The following VPS51 variants were observed in gnomAD, a reference collection of about 807,000 sequenced individuals.
The protein encoded by VPS51 is VPS51 subunit of GARP complex.
VPS51 carries 55 observed loss-of-function variants against 65.1 expected under a neutral mutation model. The observed-to-expected ratio is 0.84, with a 90% CI of 0.68 to 1.06. VPS51 has a LOEUF of 1.06. Ranked by LOEUF, VPS51 falls within the 50% of genes least tolerant of loss-of-function variation. VPS51 has a pLI of 0.00. For missense variants in VPS51, 943 were observed against 1,101.6 expected (o/e 0.86, Z 2.04); for synonymous variants, 473 against 489.5 (o/e 0.97, Z 0.44).
In VPS51 at chr11:65,107,183, C is replaced by G; in HGVS notation, c.359-398C>G. 2.1e-6 allele frequency: 1 copy of G among 472,978 alleles called. No homozygotes were observed. The highest frequency in any genetic ancestry group is 3.2e-4 in the Middle Eastern group (1 of 3,164). The allele number at this position is 472,978 out of a possible 1,614,324, so 29.3% of individuals were successfully genotyped here. A position where few individuals can be genotyped will look rare whatever the true frequency, so the allele number is the denominator to read the frequency against. On this transcript the variant is annotated intron_variant, in intron 2 of 9. Coordinates refer to ENST00000279281, the MANE Select transcript of VPS51 (RefSeq NM_013265.4). This position sits in a 1 kb window ranked among gnomAD's most constrained non-coding sequence, Gnocchi z 4.0. ...GGTCAACAAGAATGTATTGCCTCAT[C>G]CAGGCAGTGCGCTGGACACGCAGAT... is the stretch of plus-strand genomic sequence containing the variant.
chr11:65,100,203 A>G (rs1445054134), intron 2 of VPS51, among the ~76,000 whole-genome samples: 5 of 152,234 alleles, frequency 3.3e-5, no homozygotes, highest in Non-Finnish European at 5.9e-5. Context: ...TGTTCAGAAC[A>G]TAAAAAGAAC....
chr11:65,106,223 GTA>G, intron 2 of VPS51, among the ~76,000 whole-genome samples: 1 of 152,334 alleles, frequency 6.6e-6, no homozygotes, highest in East Asian at 1.9e-4. Flanking sequence ...CCATGACTTG[GTA>G]ATGGATTGAT....
At chr11:65,103,146 G>A (rs1303430435) in intron 2 of VPS51, among the ~76,000 whole-genome samples, 1 of 152,104 alleles carries the variant, frequency 6.6e-6, no homozygotes, top group Non-Finnish European at 1.5e-5. Flanking sequence ...TGTAACCTCC[G>A]CCTCCCCAGT....
Position 65,108,713 on chromosome 11 carries a change from C to T in VPS51, c.1242C>T (p.Leu414=). Residue 414 remains leucine, a synonymous_variant, in exon 5 of 10, where the codon CTC becomes CTT. Transcript: ENST00000279281. ...GCCTGGGCCACCACCTGCAGGGTCT[C>T]CGGGCGGCCTTCCTGGGCTGCCTGA... is the stretch of plus-strand genomic sequence containing the variant. ...RERLGHHLQG[L]RAAFLGCLTD... is the part of the protein sequence containing the mutation. 1 of 1,606,932 alleles carries T rather than the reference C, an allele frequency of 6.2e-7. No individual in the cohort carries two copies. Among genetic ancestry groups the T allele is most frequent in the African/African-American group, 1.3e-5 (1 of 74,938 alleles).
Position 65,109,273 on chromosome 11 carries a change from C to G in VPS51, c.1444-7C>G, listed in dbSNP as rs780416305. The G allele has an allele frequency of 3.1e-6, 5 of 1,607,080 alleles. No individual in the cohort carries two copies. In the African/African-American group the frequency reaches 5.3e-5, roughly 17 times the overall value. On this transcript the variant is annotated splice_polypyrimidine_tract_variant and splice_region_variant and intron_variant, in intron 5 of 9. Coordinates refer to ENST00000279281, the MANE Select transcript of VPS51 (RefSeq NM_013265.4). ...CCTGCTGTGGACCTGGGCACCTTCT[C>G]TTGCAGGGTGAGTTCTGCAGTCAGG...
At chr11:65,108,045 C>T in intron 4 of VPS51, 23 bp downstream of exon 4, 2 of 1,490,678 alleles carry the variant, frequency 1.3e-6, no homozygotes, top group Non-Finnish European at 1.8e-6. Flanking sequence ...TGCCCTGACC[C>T]CAGCGCTCCC....
Position 65,107,861 on chromosome 11 carries a change from C to A in VPS51, c.564C>A (p.Thr188=). ...QFLFELPSRL[T]KCVELGAYGQ... Reference sequence around the variant, plus strand: ...TCTTTGAGCTGCCCTCGCGCCTCACCAAGTGCGTGGAACTGGGCGCCTATG... The same window carrying A: ...TCTTTGAGCTGCCCTCGCGCCTCACAAAGTGCGTGGAACTGGGCGCCTATG... The change falls in exon 4 of 10, where the codon ACC becomes ACA. Residue 188 remains threonine (T), a synonymous_variant. Coordinates refer to ENST00000279281, the MANE Select transcript of VPS51 (RefSeq NM_013265.4). The surrounding 1 kb of genome is among the most constrained non-coding windows in gnomAD (Gnocchi z 4.0). 1 of 1,551,990 alleles carries A rather than the reference C, an allele frequency of 6.4e-7. No individual in the cohort carries two copies. The highest frequency in any genetic ancestry group is 2.4e-5 in the East Asian group (1 of 41,064).
intron 2 of VPS51, among the ~76,000 whole-genome samples, chr11:65,105,602 T>C (rs1947836714): frequency 6.6e-6 from 1 of 152,146 alleles, no homozygotes; most frequent in South Asian, 2.1e-4. Context: ...TGTCCTCTGA[T>C]TTAATTCCAA....
chr11:65,100,025 C>A (rs922333311), intron 2 of VPS51, among the ~76,000 whole-genome samples: 2 of 152,126 alleles, frequency 1.3e-5, no homozygotes, highest in Non-Finnish European at 2.9e-5. Flanking sequence ...ATCGCTTGAA[C>A]CCAGGAGGCG....
chr11:65,109,843 T>C lies in VPS51; in HGVS notation c.1798T>C (p.Trp600Arg). ...GCGCAAGAGCGTGGAGACTCGCGAC[T>C]GGCTCAGCACTCTGGAGCCCCGGAA... is the stretch of plus-strand genomic sequence containing the variant. ...MLRKSVETRD[W>R]LSTLEPRNVR... Residue 600 changes from tryptophan (W) to arginine (R), a missense_variant, in exon 7 of 10, where the codon TGG becomes CGG. Transcript: ENST00000279281. The C allele has an allele frequency of 6.2e-7, 1 of 1,612,152 alleles. No homozygotes were observed. Among genetic ancestry groups the C allele is most frequent in the African/African-American group, 1.3e-5 (1 of 75,056 alleles).
At chr11:65,100,557 G>A (rs1472494218) in intron 2 of VPS51, among the ~76,000 whole-genome samples, 2 of 119,680 alleles carry the variant, frequency 1.7e-5, no homozygotes, top group African/African-American at 6.4e-5. Context: ...TTGAGATGGA[G>A]TCTAGCTCTG....
intron 2 of VPS51, among the ~76,000 whole-genome samples, chr11:65,097,777 A>G (rs1358461273): frequency 6.6e-6 from 1 of 152,094 alleles, no homozygotes; most frequent in Non-Finnish European, 1.5e-5. Flanking sequence ...GGATCACATG[A>G]GCCTGGGAGG....
Position 65,108,879 on chromosome 11 carries a change from A to C in VPS51, c.1408A>C (p.Lys470Gln), listed in dbSNP as rs1405788525. 1 of 1,612,858 alleles carries C rather than the reference A, an allele frequency of 6.2e-7. No homozygotes were observed. The highest frequency in any genetic ancestry group is 8.5e-7 in the Non-Finnish European group (1 of 1,180,008). ...GGCAGCAGTGCACCTTTTCACCGCC[A>C]AAGAGGTGTCCTTCTCCAACAAGCC... is the stretch of plus-strand genomic sequence containing the variant. ...SLAAVHLFTA[K>Q]EVSFSNKPYF... The change falls in exon 5 of 10, where the codon AAA becomes CAA. Residue 470 changes from lysine to glutamine, a missense_variant. Lys to Gln is a moderately conservative substitution (Grantham distance 53). Around this residue, in one of 2 missense-constraint regions of VPS51, gnomAD observed 855 missense variants for 953.7 expected, o/e 0.90. Transcript: ENST00000279281.
chr11:65,101,185 C>G (rs529705799), intron 2 of VPS51, among the ~76,000 whole-genome samples: 1 of 152,116 alleles, frequency 6.6e-6, no homozygotes. Flanking sequence ...TCTGGAATTA[C>G]GTAGTGAGGT....
At position 65,096,420 on chromosome 11, in the gene VPS51, C is replaced by G; in HGVS notation, c.170C>G (p.Pro57Arg). The G allele has an allele frequency of 6.4e-7, 1 of 1,553,894 alleles. No individual in the cohort carries two copies. Among genetic ancestry groups the G allele is most frequent in the Non-Finnish European group, 8.6e-7 (1 of 1,157,912 alleles). Reference protein sequence around the residue: ...EAAGRPAGPDPLDPTDLNGAH... With the variant: ...EAAGRPAGPDRLDPTDLNGAH... ...GCGGGACGCCCCGCGGGGCCCGACC[C>G]CCTGGACCCGACTGATCTGAACGGG... is the stretch of plus-strand genomic sequence containing the variant. The change falls in exon 1 of 10, where the codon CCC (proline) becomes CGC (arginine). Residue 57 changes from proline to arginine, a missense_variant. Physicochemically the swap from Pro to Arg is moderately radical, Grantham distance 103. This residue lies in a region of VPS51 where 855 missense variants were observed against 953.7 expected (regional missense o/e 0.90). Coordinates refer to ENST00000279281, the MANE Select transcript of VPS51 (RefSeq NM_013265.4).
At chr11:65,098,195 A>G (rs1429849518) in intron 2 of VPS51, among the ~76,000 whole-genome samples, 4 of 152,006 alleles carry the variant, frequency 2.6e-5, no homozygotes, top group Non-Finnish European at 5.9e-5. Context: ...AAAAAATAAT[A>G]AGAAGAAGAA....
chr11:65,111,287 C>A, intron 9 of VPS51, 40 bp from the exon 10 acceptor site: 1 of 1,598,816 alleles, frequency 6.3e-7, no homozygotes, highest in South Asian at 1.1e-5. Flanking sequence ...CCACACACAC[C>A]TGCAGTCCCC....
chr11:65,103,091 C>T (rs1478602996), intron 2 of VPS51, among the ~76,000 whole-genome samples: 1 of 152,188 alleles, frequency 6.6e-6, no homozygotes, highest in African/African-American at 2.4e-5. Flanking sequence ...GAGTTCAAGG[C>T]TGCAGTAAGC....
intron 2 of VPS51, among the ~76,000 whole-genome samples, chr11:65,101,762 C>CAAAAAAAAAAAAAAAAA (rs1165429983): frequency 3.8e-5 from 1 of 26,348 alleles, no homozygotes; most frequent in African/African-American, 9.6e-5. Context: ...GACCTTGTCT[C>CAAAAAAAAAAAAAAAAA]AAAAAAAAAA....
Sources: allele counts gnomAD v4.1 joint callset (sites outside exome capture counted in the v4.1 genomes callset), GRCh38; gene constraint gnomAD v4.1.1; regional missense constraint gnomAD v4.1.1; non-coding constraint Gnocchi (gnomAD v3.1); transcripts MANE v1.5; gene names NCBI Gene and HGNC (gene_info 2026-07-23, HGNC 2026-07-21).